Variants in CAST observed in about 807,000 individuals in gnomAD.
CAST encodes the protein calpastatin, also known as MIR583 host.
A neutral mutation model predicts 119.6 loss-of-function variants in CAST; 76 were observed. That is an observed-to-expected ratio of 0.64 (90% CI 0.53 to 0.77). CAST has a LOEUF of 0.77. Among genes scored for constraint, CAST ranks in the 30% least tolerant of loss-of-function variants. The pLI is 0.00. For synonymous variants in CAST, 319 were observed against 331.6 expected, an observed-to-expected ratio of 0.96 and a Z score of 0.41; for missense variants, 953 against 946.5, an observed-to-expected ratio of 1.01 and a Z score of -0.09.
At chr5:96,621,470 T>G (rs905688815) in intron 1 of CAST, among the ~76,000 whole-genome samples, 53 of 152,140 alleles carry the variant, frequency 3.5e-4, no homozygotes, top group Non-Finnish European at 5.9e-5. Context: ...CTCAGGAAAC[T>G]TACAGTCATG....
chr5:95,984,225 G>C, the CAST span, among the ~76,000 whole-genome samples: 1 of 152,154 alleles, frequency 6.6e-6, no homozygotes, highest in Non-Finnish European at 1.5e-5. Flanking sequence ...GTTGAGGCTG[G>C]AGGTGTTTTT....
At chr5:96,254,865 C>T in the CAST span, among the ~76,000 whole-genome samples, 1 of 152,112 alleles carries the variant, frequency 6.6e-6, no homozygotes, top group African/African-American at 2.4e-5. Context: ...TTTTTTAAAT[C>T]TGTATCCAGA....
chr5:96,213,786 G>T, the CAST span: 2 of 151,906 alleles, frequency 1.3e-5, no homozygotes, highest in Admixed American at 6.6e-5. Context: ...GTAAGACCTT[G>T]TCTCTAAAAG....
At chr5:96,599,966 C>CAAAAAAAAAAAAAAAAAAAAAAAA (rs74978713) in intron 1 of CAST, among the ~76,000 whole-genome samples, 1 of 47,216 alleles carries the variant, frequency 2.1e-5, no homozygotes, top group African/African-American at 6.1e-5. Context: ...CTTCATTAGG[C>CAAAAAAAAAAAAAAAAAAAAAAAA]AAAAAAAAAA....
At chr5:96,575,575 C>G (rs1194914922) in intron 1 of CAST, among the ~76,000 whole-genome samples, 7 of 151,644 alleles carry the variant, frequency 4.6e-5, no homozygotes, top group African/African-American at 1.7e-4. Flanking sequence ...TAATTCTCCT[C>G]TATACTAACT....
chr5:96,399,069 GT>G, the CAST span: 1 of 1,530,598 alleles, frequency 6.5e-7, no homozygotes, highest in Non-Finnish European at 9.0e-7. Context: ...ATTGAATAAA[GT>G]ATATCCAAAC....
intron 1 of CAST, among the ~76,000 whole-genome samples, chr5:96,597,882 G>A (rs533475290): frequency 8.3e-4 from 126 of 151,448 alleles, no homozygotes; most frequent in African/African-American, 2.9e-3. Flanking sequence ...TCACCCCAGT[G>A]AGGATCTGGA....
chr5:96,195,037 A>G, the CAST span, among the ~76,000 whole-genome samples: 3 of 152,356 alleles, frequency 2.0e-5, no homozygotes, highest in East Asian at 5.8e-4. Flanking sequence ...CCCGAAAGCT[A>G]TATTAATACA....
intron 1 of CAST, among the ~76,000 whole-genome samples, chr5:96,598,134 G>T (rs1423795415): frequency 6.6e-6 from 1 of 152,172 alleles, no homozygotes; most frequent in Non-Finnish European, 1.5e-5. Context: ...TGGACTTGCT[G>T]CCCATACATA....
At chr5:96,613,436 A>G (rs1480294184) in intron 1 of CAST, among the ~76,000 whole-genome samples, 3 of 152,074 alleles carry the variant, frequency 2.0e-5, no homozygotes, top group Admixed American at 2.0e-4. Context: ...TAATACTACT[A>G]TTTGTGCTAT....
chr5:96,237,546 T>TA, the CAST span, among the ~76,000 whole-genome samples: 1 of 152,302 alleles, frequency 6.6e-6, no homozygotes, highest in African/African-American at 2.4e-5. Context: ...AATTTGTATA[T>TA]AAAACTAAAG....
chr5:96,321,600 A>C, the CAST span, among the ~76,000 whole-genome samples: 21 of 152,300 alleles, frequency 1.4e-4, 1 homozygote, highest in South Asian at 3.9e-3. Context: ...TTGGCTCTTG[A>C]AGGAATTTTA....
At chr5:96,071,745 T>A in the CAST span, among the ~76,000 whole-genome samples, 18 of 152,118 alleles carry the variant, frequency 1.2e-4, no homozygotes, top group African/African-American at 3.4e-4. Context: ...CTAGTTTTTT[T>A]AAAAAAAGTT....
the CAST span, among the ~76,000 whole-genome samples, chr5:96,135,053 A>G: frequency 6.6e-6 from 1 of 152,138 alleles, no homozygotes; most frequent in Non-Finnish European, 1.5e-5. Flanking sequence ...ACTTGCAGGG[A>G]CCAGAAGGCC....
At chr5:96,375,073 C>T in the CAST span, among the ~76,000 whole-genome samples, 7 of 152,138 alleles carry the variant, frequency 4.6e-5, no homozygotes, top group Non-Finnish European at 8.8e-5. Flanking sequence ...AGTTAGAAAT[C>T]ATCCTGTGAT....
chr5:96,523,206 C>T (rs998696872), upstream of CAST, among the ~76,000 whole-genome samples: 10 of 152,190 alleles, frequency 6.6e-5, no homozygotes, highest in Admixed American at 6.5e-5. Context: ...GGAGGTGCTG[C>T]CTGGTGTGCC....
chr5:96,261,343 CAATT>C, the CAST span, among the ~76,000 whole-genome samples: 1 of 152,142 alleles, frequency 6.6e-6, no homozygotes, highest in African/African-American at 2.4e-5. Context: ...GAGAAAGAAA[CAATT>C]AATAGAGACT....
the CAST span, among the ~76,000 whole-genome samples, chr5:96,366,200 G>T: frequency 1.3e-5 from 2 of 152,238 alleles, no homozygotes; most frequent in African/African-American, 4.8e-5. Flanking sequence ...GAGATCCACT[G>T]TTAGTCTGAT....
the CAST span, among the ~76,000 whole-genome samples, chr5:96,039,507 G>A: frequency 4.3e-3 from 660 of 152,222 alleles, 6 homozygotes; most frequent in African/African-American, 0.015. Flanking sequence ...ATGGTCCTAG[G>A]TCTTACGTTT....
Sources: allele counts gnomAD v4.1 joint callset (sites outside exome capture counted in the v4.1 genomes callset), GRCh38; gene constraint gnomAD v4.1.1; transcripts MANE v1.5; gene names NCBI Gene and HGNC (gene_info 2026-07-23, HGNC 2026-07-21).